IL17RA: variants seen among roughly 807,000 people sequenced by gnomAD.
IL17RA encodes interleukin-17 receptor A.
In IL17RA, 34 loss-of-function variants were observed where a neutral mutation model predicts 50.4. That is an observed-to-expected ratio of 0.67 (90% CI 0.51 to 0.90). The LOEUF (loss-of-function observed/expected upper bound fraction) is 0.90. Among genes scored for constraint, IL17RA ranks in the 40% least tolerant of loss-of-function variants. The probability of loss-of-function intolerance (pLI) is 0.00; values close to 1 mark genes in which losing one functional copy is unlikely to be tolerated. For missense variants in IL17RA, 1,276 were observed against 1,169.8 expected, an observed-to-expected ratio of 1.09 and a Z score of -1.32; for synonymous variants, 585 against 510.4, an observed-to-expected ratio of 1.15 and a Z score of -1.97.
rs2061320624 is a variant in IL17RA at position 17,085,054 on chromosome 22, C to G, written c.-38C>G. ...CTCAGAACGTTCGTTCGCTGCGTCCCCAGCCGGGGCCGAGCCCTCCGCGAC... is the reference window on the plus strand; with the variant it reads ...CTCAGAACGTTCGTTCGCTGCGTCCGCAGCCGGGGCCGAGCCCTCCGCGAC... On this transcript the variant is annotated 5_prime_UTR_variant, in exon 1 of 13. Coordinates refer to ENST00000319363, the MANE Select transcript of IL17RA (RefSeq NM_014339.7). The G allele has an allele frequency of 7.8e-7, 1 of 1,289,874 alleles. No homozygotes were observed. The highest frequency in any genetic ancestry group is 9.8e-7 in the Non-Finnish European group (1 of 1,017,986). 79.9% of individuals were successfully genotyped at this position (1,289,874 alleles called of 1,614,324 possible). A position where few individuals can be genotyped will look rare whatever the true frequency, so the allele number is the denominator to read the frequency against.
chr22:17,094,201 G>T (rs1601338433), intron 1 of IL17RA, among the ~76,000 whole-genome samples: 2 of 151,996 alleles, frequency 1.3e-5, no homozygotes, highest in South Asian at 4.2e-4. Context: ...GGCCAGGCTG[G>T]TCTTAAACTC....
In IL17RA at chr22:17,098,799, C is replaced by T. The variant is rs2123799026; in HGVS notation, c.335C>T (p.Ala112Val). The change falls in exon 4 of 13, where the codon GCA (alanine) becomes GTA (valine). Residue 112 changes from alanine to valine, a missense_variant. Ala to Val is a moderately conservative substitution (Grantham distance 64). Transcript: ENST00000319363. ...GCCAGCATCCTGTACCTCGAGGGTG[C>T]AGAGTTATCTGTCCTGCAGCTGAAC... is the stretch of plus-strand genomic sequence containing the variant. ...TDASILYLEG[A>V]ELSVLQLNTN... 1 of 1,614,150 alleles carries T rather than the reference C, an allele frequency of 6.2e-7. No homozygotes were observed.
chr22:17,108,735 G>A lies in IL17RA; in HGVS notation c.1516G>A (p.Glu506Lys), dbSNP rs561912993. The A allele has an allele frequency of 1.9e-6, 3 of 1,611,852 alleles. No individual in the cohort carries two copies. The highest frequency in any genetic ancestry group is 2.2e-5 in the East Asian group (1 of 44,840). The change falls in exon 13 of 13, where the codon GAG becomes AAG. Residue 506 changes from glutamate to lysine, a missense_variant. Transcript: ENST00000319363. The part of the protein sequence containing the change: ...FGTYVVCYFS[E>K]VSCDGDVPDL... The stretch of plus-strand genomic sequence containing the variant: ...CACCTACGTAGTCTGCTACTTCAGC[G>A]AGGTCAGCTGTGACGGCGACGTCCC...
In IL17RA at chr22:17,103,666, AGTG is replaced by A. The variant is rs113015709; in HGVS notation, c.846+93_846+95del. 8.3e-4 allele frequency: 869 copies of A among 1,051,416 alleles called. 9 individuals are homozygous for A. In the African/African-American group the frequency reaches 0.012, roughly 15 times the overall value. The allele number at this position is 1,051,416 out of a possible 1,614,324, so 65.1% of individuals were successfully genotyped here. On this transcript the variant is annotated intron_variant, in intron 8 of 12. Coordinates refer to ENST00000319363, the MANE Select transcript of IL17RA (RefSeq NM_014339.7). ...GAGTGAGGAGTGTGCACAGGTGAAGAGTGGTGTGGACGGGAGTGGGGAGTGTGC... is the reference window on the plus strand; with the variant it reads ...GAGTGAGGAGTGTGCACAGGTGAAGAGTGTGGACGGGAGTGGGGAGTGTGC...
rs1405270165 is a variant in IL17RA at position 17,114,905 on chromosome 22, G to A, written c.*5085G>A. ...TCCTCTTTCTCGGCCTCAGGAAAAT[G>A]GAGAGAAAGCAGCCCTGAAGGTGGC... On this transcript the variant is annotated 3_prime_UTR_variant, in exon 13 of 13. Coordinates refer to ENST00000319363, the MANE Select transcript of IL17RA (RefSeq NM_014339.7). The A allele has an allele frequency of 6.6e-6, 1 of 152,286 alleles. No individual in the cohort carries two copies. Among genetic ancestry groups the A allele is most frequent in the Non-Finnish European group, 1.5e-5 (1 of 68,058 alleles). 9.4% of individuals were successfully genotyped at this position (152,286 alleles called of 1,614,324 possible). A position where few individuals can be genotyped will look rare whatever the true frequency, so the allele number is the denominator to read the frequency against.
At chr22:17,103,648 G>T in intron 8 of IL17RA, 71 bp downstream of exon 8, 1 of 1,196,742 alleles carries the variant, frequency 8.4e-7, no homozygotes, top group East Asian at 2.5e-5. Context: ...CAGGAGTGAG[G>T]AGTGTGCACA....
rs2061394749 is a variant in IL17RA at position 17,102,286 on chromosome 22, T to C, written c.746T>C (p.Met249Thr). The C allele has an allele frequency of 1.2e-6, 2 of 1,614,190 alleles. No individual in the cohort carries two copies. The highest frequency in any genetic ancestry group is 1.1e-5 in the South Asian group (1 of 91,080). ...GAGAACCACAGTTGCTTTGAGCACA[T>C]GCACCACATACCTGCGGTAACTCTG... ...HMENHSCFEH[M>T]HHIPAPRPEE... Residue 249 changes from methionine to threonine, a missense_variant, in exon 7 of 13, where the codon ATG (methionine) becomes ACG (threonine). By Grantham distance (81) the Met-to-Thr change is moderately conservative (BLOSUM62 -1). Transcript: ENST00000319363.
Position 17,098,664 on chromosome 22 carries a change from G to T in IL17RA, c.311-111G>T. 3.8e-6 allele frequency: 3 copies of T among 796,970 alleles called. No homozygotes were observed. The South Asian group carries it at 4.3e-5, about 11-fold the overall frequency. 49.4% of individuals were successfully genotyped at this position (796,970 alleles called of 1,614,324 possible). ...CAGGATGTGGAGAGTTGGGTAAGAC[G>T]GCAGATTTTCTTTTAGGAGTGAACA... On this transcript the variant is annotated intron_variant, in intron 3 of 12. Coordinates refer to ENST00000319363, the MANE Select transcript of IL17RA (RefSeq NM_014339.7).
At chr22:17,103,326 T>C (rs1375051757) in intron 7 of IL17RA, among the ~76,000 whole-genome samples, 168 bp from the exon 8 acceptor site, 1 of 152,184 alleles carries the variant, frequency 6.6e-6, no homozygotes, top group African/African-American at 2.4e-5. Context: ...CCAGCTTCCA[T>C]GCAGAAACGG....
intron 1 of IL17RA, among the ~76,000 whole-genome samples, chr22:17,092,777 TCTC>T (rs1314920788): frequency 6.6e-6 from 1 of 152,234 alleles, no homozygotes; most frequent in Non-Finnish European, 1.5e-5. Context: ...TTTTTGTTAA[TCTC>T]CTTCTAGAAA....
rs2061373083 is a variant in IL17RA, at chr22:17,097,680, A to G, written c.164-117A>G. On this transcript the variant is annotated intron_variant, in intron 2 of 12. Transcript: ENST00000319363. ...AGCTGAGGACGCGGCCAAGGGCCAC[A>G]GGCTGGAAGGCCGCGGGCCCCTGAG... 8 of 1,271,210 alleles carry G rather than the reference A, an allele frequency of 6.3e-6. No homozygotes were observed. In the Admixed American group the frequency reaches 7.2e-5, roughly 11 times the overall value. 78.7% of individuals were successfully genotyped at this position (1,271,210 alleles called of 1,614,324 possible). A position where few individuals can be genotyped will look rare whatever the true frequency, so the allele number is the denominator to read the frequency against.
intron 9 of IL17RA, among the ~76,000 whole-genome samples, 162 bp from the exon 10 acceptor site, chr22:17,105,429 A>G (rs994541560): frequency 2.0e-4 from 31 of 152,186 alleles, no homozygotes; most frequent in African/African-American, 7.0e-4. Flanking sequence ...CAGCAACTCA[A>G]GTGTCTCTTG....
At position 17,109,625 on chromosome 22, in the gene IL17RA, G is replaced by A. The variant is rs41356751; in HGVS notation, c.2406G>A (p.Pro802=). ...AGGGCTACATCTCCAGGAGCTCCCC[G>A]CAGCCCCCCGAGGGACTCACGGAAA... ...SDQGYISRSS[P]QPPEGLTEME... is the part of the protein sequence containing the mutation. Residue 802 remains proline (P), a synonymous_variant, in exon 13 of 13, where the codon CCG becomes CCA. Transcript: ENST00000319363. 247 of 1,608,236 alleles carry A rather than the reference G, an allele frequency of 1.5e-4. No homozygotes were observed. In the African/African-American group the frequency reaches 2.6e-3, roughly 17 times the overall value.
At chr22:17,094,682 T>TCCCC (rs1159158125) in intron 1 of IL17RA, among the ~76,000 whole-genome samples, 3 of 75,600 alleles carry the variant, frequency 4.0e-5, no homozygotes, top group Non-Finnish European at 5.1e-5. Context: ...TCTCTCTCTC[T>TCCCC]CTCTCTCTCT....
intron 11 of IL17RA, 42 bp from the exon 12 acceptor site, chr22:17,107,685 C>T: frequency 1.3e-6 from 2 of 1,571,576 alleles, no homozygotes; most frequent in Non-Finnish European, 1.8e-6. Context: ...TTCTATTTCT[C>T]TTCCCAAAGA....
At chr22:17,091,630 A>C (rs1439992863) in intron 1 of IL17RA, among the ~76,000 whole-genome samples, 1 of 151,928 alleles carries the variant, frequency 6.6e-6, no homozygotes, top group African/African-American at 2.4e-5. Context: ...GTGAGCTGAG[A>C]TCGCACCACT....
At position 17,097,907 on chromosome 22, in the gene IL17RA, C is replaced by G; in HGVS notation, c.274C>G (p.Pro92Ala). The G allele has an allele frequency of 6.2e-7, 1 of 1,614,198 alleles. No homozygotes were observed. Among genetic ancestry groups the G allele is most frequent in the South Asian group, 1.1e-5 (1 of 91,084 alleles). ...FAHTQQGDLFPVAHIEWTLQT... is the reference protein window; with the variant it reads ...FAHTQQGDLFAVAHIEWTLQT... ...CCACACCCAACAAGGAGACCTGTTC[C>G]CCGTGGCTCACATCGAATGGACACT... Residue 92 changes from proline to alanine, a missense_variant, in exon 3 of 13, where the codon CCC (proline) becomes GCC (alanine). Coordinates refer to ENST00000319363, the MANE Select transcript of IL17RA (RefSeq NM_014339.7).
chr22:17,088,859 G>A lies in IL17RA; in HGVS notation c.138+3630G>A, dbSNP rs1373083754. 4.9e-4 allele frequency among the ~76,000 whole-genome samples: 74 copies of A among 150,510 alleles called. 1 individual carries two copies. Among genetic ancestry groups the A allele is most frequent in the Non-Finnish European group, 1.5e-4 (10 of 67,642 alleles). On this transcript the variant is annotated intron_variant, in intron 1 of 12. Coordinates refer to ENST00000319363, the MANE Select transcript of IL17RA (RefSeq NM_014339.7). ...CATCCAGATTGGAGTGCAGTGGTGC[G>A]ATCTCAGCTCACTGCAACCTCCACT...
chr22:17,100,281 G>A (rs554730383), intron 4 of IL17RA, 74 bp from the exon 5 acceptor site: 115 of 1,579,030 alleles, frequency 7.3e-5, no homozygotes, highest in South Asian at 1.2e-4. Context: ...GGGTGGGAAC[G>A]GGGGTCTTTG....
Sources: allele counts gnomAD v4.1 joint callset (sites outside exome capture counted in the v4.1 genomes callset), GRCh38; gene constraint gnomAD v4.1.1; transcripts MANE v1.5; gene names NCBI Gene and HGNC (gene_info 2026-07-23, HGNC 2026-07-21).